RB1CC1: variants seen among roughly 807,000 people sequenced by gnomAD.
RB1CC1 encodes the protein RB1-inducible coiled-coil protein 1.
A neutral mutation model predicts 177.5 loss-of-function variants in RB1CC1; 46 were observed. The observed-to-expected ratio is 0.26, with a 90% CI of 0.20 to 0.33. RB1CC1 has a LOEUF of 0.33. Ranked by LOEUF, RB1CC1 falls within the 10% of genes least tolerant of loss-of-function variation. RB1CC1 has a pLI of 1.00. For missense variants in RB1CC1, 1,703 were observed against 1,816.3 expected (o/e 0.94, Z 1.13); for synonymous variants, 666 against 613.6 (o/e 1.09, Z -1.26).
chr8:52,668,221 A>C (rs766512071), intron 7 of RB1CC1, 30 bp from the exon 8 acceptor site: 1 of 1,601,824 alleles, frequency 6.2e-7, no homozygotes. Flanking sequence ...ATACGAATAC[A>C]ATTTTCAGCA....
chr8:52,644,770 A>G (rs1849871247), intron 16 of RB1CC1, among the ~76,000 whole-genome samples: 2 of 152,152 alleles, frequency 1.3e-5, no homozygotes, highest in African/African-American at 4.8e-5. Flanking sequence ...CATTTTTTCA[A>G]ATTCCACAAA....
At chr8:52,629,987 G>A (rs970887055) in intron 21 of RB1CC1, among the ~76,000 whole-genome samples, 1 of 151,960 alleles carries the variant, frequency 6.6e-6, no homozygotes, top group African/African-American at 2.4e-5. Context: ...CACAGGCCAT[G>A]GTCACTCATA....
intron 16 of RB1CC1, among the ~76,000 whole-genome samples, chr8:52,643,463 G>T (rs906938879): frequency 6.6e-6 from 1 of 152,084 alleles, no homozygotes; most frequent in African/African-American, 2.4e-5. Flanking sequence ...CACTTTGGGA[G>T]ACTGAGGTGG....
chr8:52,647,414 T>C (rs1033373671), intron 15 of RB1CC1, among the ~76,000 whole-genome samples: 8 of 152,188 alleles, frequency 5.3e-5, no homozygotes, highest in African/African-American at 1.9e-4. Context: ...GGATTTACTT[T>C]TAAAGTTTCT....
At chr8:52,685,347 C>T (rs1854178450) in intron 3 of RB1CC1, 52 bp downstream of exon 3, 1 of 1,323,274 alleles carries the variant, frequency 7.6e-7, no homozygotes, top group African/African-American at 1.5e-5. Context: ...ATTTCTTTAA[C>T]TTTCTGCATG....
chr8:52,658,959 C>T lies in RB1CC1; in HGVS notation c.1707G>A (p.Lys569=). The change falls in exon 13 of 24, where the codon AAG becomes AAA. Residue 569 remains lysine, a synonymous_variant. Transcript: ENST00000025008. ...PPSFCTQKPR[K]FDCELPDISL... ...AAATATCTGGAAGTTCACAGTCAAA[C>T]TTTCGAGGCTTTTGAGTCTGTACCA... The T allele has an allele frequency of 6.4e-7, 1 of 1,558,922 alleles. No homozygotes were observed. Among genetic ancestry groups the T allele is most frequent in the Non-Finnish European group, 8.7e-7 (1 of 1,153,142 alleles).
At chr8:52,644,782 A>G (rs1039404432) in intron 16 of RB1CC1, among the ~76,000 whole-genome samples, 2 of 152,188 alleles carry the variant, frequency 1.3e-5, no homozygotes, top group Admixed American at 1.3e-4. Context: ...TTCCACAAAG[A>G]CACTAATTAA....
rs1016419735 is a variant in RB1CC1, at chr8:52,653,096, T to C, written c.3821+2912A>G. Among the ~76,000 whole-genome samples, 36 of 151,974 alleles carry C rather than the reference T, an allele frequency of 2.4e-4. 1 individual carries two copies. Among genetic ancestry groups the C allele is most frequent in the Admixed American group, 2.0e-3 (31 of 15,236 alleles). ...ACAAAAAACAAACAAAAAAACAAGT[T>C]TGCTGACTCCTGATCTACAAGGAAG... is the stretch of plus-strand genomic sequence containing the variant. On this transcript the variant is annotated intron_variant, in intron 15 of 23. Transcript: ENST00000025008.
At chr8:52,640,371 A>G (rs907982385) in intron 18 of RB1CC1, among the ~76,000 whole-genome samples, 1 of 152,224 alleles carries the variant, frequency 6.6e-6, no homozygotes, top group Non-Finnish European at 1.5e-5. Flanking sequence ...AGAAAAGAGC[A>G]TTTTGAATGT....
At chr8:52,680,997 T>G (rs1408927739) in intron 5 of RB1CC1, among the ~76,000 whole-genome samples, 114 of 146,388 alleles carry the variant, frequency 7.8e-4, no homozygotes, top group Admixed American at 1.3e-3. Context: ...TGTGTGTGTT[T>G]TTTTTTTTTT....
intron 1 of RB1CC1, among the ~76,000 whole-genome samples, chr8:52,702,367 T>C (rs1467577637): frequency 6.6e-6 from 1 of 152,226 alleles, no homozygotes; most frequent in African/African-American, 2.4e-5. Context: ...TTCTACTGAA[T>C]GAATCTTCTC....
At position 52,657,169 on chromosome 8, in the gene RB1CC1, T is replaced by C; in HGVS notation, c.2660A>G (p.Glu887Gly). Residue 887 changes from glutamate (E) to glycine (G), a missense_variant, in exon 15 of 24, where the codon GAG becomes GGG. Coordinates refer to ENST00000025008, the MANE Select transcript of RB1CC1 (RefSeq NM_014781.5). ...CAATTTTTTAATTTTGTTTTCATTC[T>C]CTTCAGTTTCCTTTATTAGTCCGTC... ...KLDGLIKETE[E>G]NENKIKKLKG... is the part of the protein sequence containing the mutation. 6.2e-7 allele frequency: 1 copy of C among 1,607,824 alleles called. No homozygotes were observed. Among genetic ancestry groups the C allele is most frequent in the Non-Finnish European group, 8.5e-7 (1 of 1,175,208 alleles).
intron 5 of RB1CC1, among the ~76,000 whole-genome samples, chr8:52,680,737 A>T (rs1166788368): frequency 6.6e-6 from 1 of 152,232 alleles, no homozygotes; most frequent in Non-Finnish European, 1.5e-5. Context: ...AACCACGGAT[A>T]CATGCAACAG....
intron 13 of RB1CC1, among the ~76,000 whole-genome samples, chr8:52,658,564 G>A (rs1411755075): frequency 8.7e-5 from 11 of 126,634 alleles, no homozygotes; most frequent in Admixed American, 5.8e-4. Flanking sequence ...GCGAGAGAGC[G>A]AGACTCCGTC....
chr8:52,658,579 G>GGAAAAA (rs1851294781), intron 13 of RB1CC1, among the ~76,000 whole-genome samples: 2 of 98,798 alleles, frequency 2.0e-5, no homozygotes, highest in African/African-American at 7.7e-5. Flanking sequence ...TCCGTCTCAA[G>GGAAAAA]AAAAAAAAAA....
At chr8:52,652,893 A>G (rs1850738920) in intron 15 of RB1CC1, among the ~76,000 whole-genome samples, 1 of 151,724 alleles carries the variant, frequency 6.6e-6, no homozygotes, top group African/African-American at 2.4e-5. Flanking sequence ...CCCTGTCTCT[A>G]CTAAAAATAC....
chr8:52,637,263 T>C (rs1318565846), intron 18 of RB1CC1, among the ~76,000 whole-genome samples: 1 of 152,238 alleles, frequency 6.6e-6, no homozygotes, highest in Non-Finnish European at 1.5e-5. Context: ...TGTACAAGTA[T>C]TGAACTTCTT....
intron 5 of RB1CC1, among the ~76,000 whole-genome samples, chr8:52,680,171 T>G (rs1188530107): frequency 6.6e-6 from 1 of 152,006 alleles, no homozygotes; most frequent in Non-Finnish European, 1.5e-5. Context: ...TAAAAAAAAC[T>G]AAATGCAGAA....
intron 5 of RB1CC1, among the ~76,000 whole-genome samples, chr8:52,678,732 C>A (rs577508837): frequency 6.6e-6 from 1 of 152,100 alleles, no homozygotes; most frequent in South Asian, 2.1e-4. Flanking sequence ...AAAGAAATAT[C>A]TTTACAGGTA....
Sources: allele counts gnomAD v4.1 joint callset (sites outside exome capture counted in the v4.1 genomes callset), GRCh38; gene constraint gnomAD v4.1.1; transcripts MANE v1.5; gene names NCBI Gene and HGNC (gene_info 2026-07-23, HGNC 2026-07-21).